The following DGKB variants were observed in gnomAD, a reference collection of about 807,000 sequenced individuals.
DGKB encodes the protein diacylglycerol kinase beta.
DGKB carries 67 observed loss-of-function variants against 114.3 expected under a neutral mutation model. The ratio of observed to expected loss-of-function variants is 0.59; its 90% CI spans 0.48 to 0.72. The LOEUF is 0.72. Ranked by LOEUF, DGKB falls within the 30% of genes least tolerant of loss-of-function variation. The pLI, the probability that DGKB is intolerant of heterozygous loss-of-function variation, is 0.00. For missense variants in DGKB, 907 were observed against 975.2 expected, an observed-to-expected ratio of 0.93 and a Z score of 0.93; for synonymous variants, 398 against 323.1, an observed-to-expected ratio of 1.23 and a Z score of -2.49.
intron 2 of DGKB, among the ~76,000 whole-genome samples, chr7:14,822,327 A>G (rs1845060673): frequency 6.6e-6 from 1 of 152,154 alleles, no homozygotes; most frequent in African/African-American, 2.4e-5. Context: ...AAGGGAACAT[A>G]ATCCAGGAAC....
At chr7:14,362,050 A>G (rs995670468) in intron 21 of DGKB, among the ~76,000 whole-genome samples, 4 of 152,004 alleles carry the variant, frequency 2.6e-5, no homozygotes, top group African/African-American at 7.2e-5. Context: ...TCACTCATTT[A>G]GGTTAGTGAC....
intron 4 of DGKB, among the ~76,000 whole-genome samples, chr7:14,742,484 T>A (rs571968644): frequency 3.7e-4 from 56 of 152,322 alleles, no homozygotes; most frequent in African/African-American, 1.3e-3. Flanking sequence ...ATTGGTAAAA[T>A]TCAAATGTCA....
chr7:14,305,644 T>C (rs950635048), intron 23 of DGKB, among the ~76,000 whole-genome samples: 11 of 152,182 alleles, frequency 7.2e-5, no homozygotes, highest in Non-Finnish European at 1.2e-4. Context: ...AATGGCACAA[T>C]TGCTACTGGC....
intron 20 of DGKB, among the ~76,000 whole-genome samples, chr7:14,494,712 C>T (rs1038627623): frequency 7.9e-5 from 12 of 151,824 alleles, no homozygotes; most frequent in Non-Finnish European, 1.3e-4. Context: ...GTTGAAAGCG[C>T]CTATGACTTT....
rs1287020701 is a variant in DGKB at position 14,313,389 on chromosome 7, A to G, written c.2122+25126T>C. On this transcript the variant is annotated intron_variant, in intron 23 of 25. Coordinates refer to ENST00000402815, the MANE Select transcript of DGKB (RefSeq NM_001350709.2). The stretch of plus-strand genomic sequence containing the variant: ...GGTTCATCTCACTAGGGAGCGCCAG[A>G]CAGTGGGCGCAGGTCAGTGGGTGTG... Among the ~76,000 whole-genome samples, 3 of 152,062 alleles carry G rather than the reference A, an allele frequency of 2.0e-5. No individual in the cohort carries two copies. The East Asian group carries it at 5.8e-4, about 29-fold the overall frequency.
At chr7:14,623,536 T>A (rs1303509317) in intron 14 of DGKB, among the ~76,000 whole-genome samples, 1 of 152,156 alleles carries the variant, frequency 6.6e-6, no homozygotes, top group East Asian at 1.9e-4. Flanking sequence ...AAGCTGTTTT[T>A]AAATATATTA....
intron 20 of DGKB, among the ~76,000 whole-genome samples, chr7:14,490,948 TA>T (rs1257213897): frequency 1.3e-5 from 2 of 151,336 alleles, no homozygotes; most frequent in Non-Finnish European, 3.0e-5. Context: ...TTAATTGTGG[TA>T]ATTTTTTTTT....
Position 14,694,201 on chromosome 7 carries a change from T to G in DGKB, c.592-7A>C. 1 of 1,557,962 alleles carries G rather than the reference T, an allele frequency of 6.4e-7. No homozygotes were observed. Among genetic ancestry groups the G allele is most frequent in the Non-Finnish European group, 8.7e-7 (1 of 1,150,398 alleles). On this transcript the variant is annotated splice_region_variant and splice_polypyrimidine_tract_variant and intron_variant, in intron 8 of 25. Transcript: ENST00000402815. ...CCATCATTTCATGGAGGATCTGGAG[T>G]AGAGGAGATAAGGGAAAATTGGTGG... is the stretch of plus-strand genomic sequence containing the variant.
At chr7:14,819,449 T>A (rs945778189) in intron 2 of DGKB, among the ~76,000 whole-genome samples, 34 of 151,846 alleles carry the variant, frequency 2.2e-4, no homozygotes, top group African/African-American at 7.7e-4. Flanking sequence ...CATTGGCCAG[T>A]CATGGTGGCC....
intron 1 of DGKB, among the ~76,000 whole-genome samples, chr7:14,919,796 T>C (rs1018102822): frequency 6.6e-6 from 1 of 152,110 alleles, no homozygotes; most frequent in Non-Finnish European, 1.5e-5. Flanking sequence ...GATGAGTGAG[T>C]TCTCACTCCA....
At chr7:14,471,099 A>G (rs1781220464) in intron 21 of DGKB, among the ~76,000 whole-genome samples, 1 of 150,460 alleles carries the variant, frequency 6.6e-6, no homozygotes, top group Admixed American at 6.6e-5. Context: ...CTTTGTCTCT[A>G]TAGCAAAATA....
intron 21 of DGKB, among the ~76,000 whole-genome samples, chr7:14,454,202 A>G (rs910087759): frequency 1.8e-4 from 28 of 152,244 alleles, no homozygotes; most frequent in Non-Finnish European, 2.2e-4. Context: ...ATTGTTAACT[A>G]TACTTTTCCT....
At chr7:14,491,910 G>C (rs1307756436) in intron 20 of DGKB, among the ~76,000 whole-genome samples, 4 of 151,846 alleles carry the variant, frequency 2.6e-5, no homozygotes, top group Non-Finnish European at 5.9e-5. Context: ...TAGAAAAATT[G>C]AGTCCAACAT....
intron 10 of DGKB, 70 bp from the exon 11 acceptor site, chr7:14,682,911 G>A: frequency 9.6e-7 from 1 of 1,045,196 alleles, no homozygotes; most frequent in Non-Finnish European, 1.5e-6. Context: ...GAGAAAGAAT[G>A]ACATTAACAG....
intron 23 of DGKB, among the ~76,000 whole-genome samples, chr7:14,261,392 T>G (rs942211844): frequency 6.6e-6 from 1 of 152,186 alleles, no homozygotes; most frequent in African/African-American, 2.4e-5. Context: ...ACCTAAGTGT[T>G]GGCATAGATC....
At chr7:14,204,935 G>A (rs917727086) in intron 23 of DGKB, among the ~76,000 whole-genome samples, 18 of 152,100 alleles carry the variant, frequency 1.2e-4, no homozygotes, top group Non-Finnish European at 2.5e-4. Context: ...AGCTTTCATT[G>A]TGTGTGTATG....
chr7:14,569,940 CA>C (rs1424664749), intron 20 of DGKB, among the ~76,000 whole-genome samples: 3 of 151,170 alleles, frequency 2.0e-5, no homozygotes, highest in Non-Finnish European at 4.4e-5. Flanking sequence ...TAGATACTTT[CA>C]ATTTTTTTGT....
chr7:14,675,910 TG>T (rs1563874376), intron 12 of DGKB, among the ~76,000 whole-genome samples: 1 of 152,096 alleles, frequency 6.6e-6, no homozygotes, highest in East Asian at 1.9e-4. Context: ...GAGGGCATCA[TG>T]TTAGGAGTAC....
chr7:14,855,330 C>A (rs957826360), intron 1 of DGKB, among the ~76,000 whole-genome samples: 1 of 152,092 alleles, frequency 6.6e-6, no homozygotes, highest in African/African-American at 2.4e-5. Flanking sequence ...CCTTCAGAGA[C>A]AAAATATATA....
Sources: allele counts gnomAD v4.1 joint callset (sites outside exome capture counted in the v4.1 genomes callset), GRCh38; gene constraint gnomAD v4.1.1; transcripts MANE v1.5; gene names NCBI Gene and HGNC (gene_info 2026-07-23, HGNC 2026-07-21).